SIN3B: variants seen among roughly 807,000 people sequenced by gnomAD.
SIN3B encodes the protein SIN3 transcription regulator family member B.
A neutral mutation model predicts 120.2 loss-of-function variants in SIN3B; 19 were observed. That is an observed-to-expected ratio of 0.16 (90% CI 0.11 to 0.23). The LOEUF is 0.23. Among genes scored for constraint, SIN3B ranks in the 10% least tolerant of loss-of-function variants. The pLI is 1.00. For synonymous variants in SIN3B, 654 were observed against 653.2 expected (o/e 1.00, Z -0.02); for missense variants, 1,073 against 1,573.0 (o/e 0.68, Z 5.38).
Position 16,847,055 on chromosome 19 carries a change from G to A in SIN3B, c.668G>A (p.Gly223Asp). The change falls in exon 5 of 19, where the codon GGC (glycine) becomes GAC (aspartate). Residue 223 changes from glycine to aspartate, a missense_variant. Physicochemically the swap from Gly to Asp is moderately conservative, Grantham distance 94. Transcript: ENST00000248054. ...VFTEVANLFRGQEDLLSEFGQ... is the reference protein window; with the variant it reads ...VFTEVANLFRDQEDLLSEFGQ... ...ACCGAGGTGGCCAACCTCTTCCGGG[G>A]CCAGGAGGACCTGCTCTCAGAGTTT... 6.2e-7 allele frequency: 1 copy of A among 1,614,206 alleles called. No homozygotes were observed. Among genetic ancestry groups the A allele is most frequent in the Non-Finnish European group, 8.5e-7 (1 of 1,180,012 alleles).
intron 6 of SIN3B, among the ~76,000 whole-genome samples, chr19:16,852,452 G>T (rs573277640): frequency 5.4e-4 from 82 of 152,272 alleles, no homozygotes; most frequent in African/African-American, 1.9e-3. Context: ...TCATCGTGTT[G>T]CCCAGGCTGG....
chr19:16,878,739 G>T lies in SIN3B; in HGVS notation c.*12G>T, dbSNP rs757803722. 1.7e-5 allele frequency: 27 copies of T among 1,581,918 alleles called. No homozygotes were observed. The highest frequency in any genetic ancestry group is 3.5e-5 in the Admixed American group (2 of 56,546). On this transcript the variant is annotated 3_prime_UTR_variant, in exon 19 of 19. Transcript: ENST00000248054. ...CGGCCTCGCCCTGACCCGCCCTCATGGGCACCGGGCAGGCGCCTCACAGAG... is the reference window on the plus strand; with the variant it reads ...CGGCCTCGCCCTGACCCGCCCTCATTGGCACCGGGCAGGCGCCTCACAGAG...
chr19:16,865,694 T>TCCATC, intron 11 of SIN3B, 46 bp downstream of exon 11: 1 of 1,153,498 alleles, frequency 8.7e-7, no homozygotes, highest in Non-Finnish European at 1.2e-6. Context: ...CCTTCCCCCT[T>TCCATC]CCCTCCCCTC....
At chr19:16,869,141 G>A (rs1216758257) in intron 12 of SIN3B, among the ~76,000 whole-genome samples, 2 of 152,144 alleles carry the variant, frequency 1.3e-5, no homozygotes, top group East Asian at 3.9e-4. Context: ...GACAGACCCA[G>A]GCTTGACGCT....
At chr19:16,844,704 C>G (rs1054331611) in intron 4 of SIN3B, among the ~76,000 whole-genome samples, 5 of 152,230 alleles carry the variant, frequency 3.3e-5, no homozygotes, top group African/African-American at 7.2e-5. Flanking sequence ...AAGATAGGCA[C>G]CGACTCTAAA....
At chr19:16,836,598 C>T (rs565401611) in intron 3 of SIN3B, among the ~76,000 whole-genome samples, 1 of 152,168 alleles carries the variant, frequency 6.6e-6, no homozygotes, top group Non-Finnish European at 1.5e-5. Flanking sequence ...ATGAGGTGGG[C>T]CCTGCACTGT....
intron 8 of SIN3B, chr19:16,855,814 G>A (rs975605106): frequency 1.3e-5 from 2 of 152,254 alleles, no homozygotes; most frequent in African/African-American, 4.8e-5. Flanking sequence ...CCAACACTTT[G>A]GGAGGCCGAG....
At chr19:16,834,922 CTTT>C (rs541788015) in intron 3 of SIN3B, among the ~76,000 whole-genome samples, 7 of 140,604 alleles carry the variant, frequency 5.0e-5, no homozygotes, top group Non-Finnish European at 9.3e-5. Flanking sequence ...TCTTTTCTTT[CTTT>C]TTTTTTTTTT....
chr19:16,832,470 T>G, intron 3 of SIN3B, among the ~76,000 whole-genome samples: 1 of 151,274 alleles, frequency 6.6e-6, no homozygotes, highest in Non-Finnish European at 1.5e-5. Context: ...AGTGCTAGGA[T>G]TACAGGCGTG....
chr19:16,848,015 T>C, intron 5 of SIN3B, among the ~76,000 whole-genome samples: 1 of 152,232 alleles, frequency 6.6e-6, no homozygotes, highest in East Asian at 1.9e-4. Context: ...TATGTGGCCT[T>C]TGTGTCTGGC....
Position 16,829,432 on chromosome 19 carries a change from T to TGGCGGTGGC in SIN3B, c.13_21dup (p.Gly5_Gly7dup). On this transcript the variant is annotated inframe_insertion, in exon 1 of 19. Transcript: ENST00000248054. ...CTCCGACTTCGGACATGGCGCACGC[T>TGGCGGTGGC]GGCGGTGGCAGCGGTGGCAGCGGTG... The TGGCGGTGGC allele has an allele frequency of 5.0e-6, 6 of 1,206,904 alleles. No homozygotes were observed. The highest frequency in any genetic ancestry group is 4.4e-5 in the Admixed American group (1 of 22,826). 74.8% of individuals were successfully genotyped at this position (1,206,904 alleles called of 1,614,324 possible).
At chr19:16,861,062 G>T (rs1283751530) in intron 8 of SIN3B, among the ~76,000 whole-genome samples, 1 of 152,106 alleles carries the variant, frequency 6.6e-6, no homozygotes, top group African/African-American at 2.4e-5. Flanking sequence ...ATTTTAAACA[G>T]AAATCCAGGT....
chr19:16,876,269 G>A lies in SIN3B; in HGVS notation c.2766+41G>A, dbSNP rs1003754003. The A allele has an allele frequency of 1.5e-5, 24 of 1,582,608 alleles. No homozygotes were observed. Among genetic ancestry groups the A allele is most frequent in the Admixed American group, 5.2e-5 (3 of 58,116 alleles). ...GGGCTGGGAACACGCCGGGAGGCCCGGCCGCTCACTCCGCTCTGGACTCAG... is the reference window on the plus strand; with the variant it reads ...GGGCTGGGAACACGCCGGGAGGCCCAGCCGCTCACTCCGCTCTGGACTCAG... On this transcript the variant is annotated intron_variant, in intron 15 of 18. Transcript: ENST00000248054. This position sits in a 1 kb window ranked among gnomAD's most constrained non-coding sequence, Gnocchi z 7.1.
intron 3 of SIN3B, among the ~76,000 whole-genome samples, chr19:16,839,716 A>G (rs1465322432): frequency 6.6e-6 from 1 of 152,062 alleles, no homozygotes; most frequent in Non-Finnish European, 1.5e-5. Context: ...TCCCCAGAGA[A>G]TCTTACAACA....
chr19:16,837,854 G>A (rs1024109136), intron 3 of SIN3B, among the ~76,000 whole-genome samples: 2 of 152,104 alleles, frequency 1.3e-5, no homozygotes, highest in African/African-American at 2.4e-5. Flanking sequence ...CCCTGCTGAG[G>A]TGCATAAGGC....
chr19:16,865,806 G>T (rs1334578591), intron 11 of SIN3B, among the ~76,000 whole-genome samples, 158 bp downstream of exon 11: 1 of 151,804 alleles, frequency 6.6e-6, no homozygotes, highest in Non-Finnish European at 1.5e-5. Context: ...GCCTAAGGGT[G>T]CCTTCCTGTA....
In SIN3B at chr19:16,836,038, G is replaced by C. The variant is rs144769834; in HGVS notation, c.381+4391G>C. Among the ~76,000 whole-genome samples the C allele has an allele frequency of 3.3e-5, 5 of 152,346 alleles. No individual in the cohort carries two copies. In the East Asian group the frequency reaches 9.6e-4, roughly 29 times the overall value. ...AAAGCCTGCCAGCTACTGACAAGTAGGGAGTGGCCCATAGGTGGTAAGGAA... is the reference window on the plus strand; with the variant it reads ...AAAGCCTGCCAGCTACTGACAAGTACGGAGTGGCCCATAGGTGGTAAGGAA... On this transcript the variant is annotated intron_variant, in intron 3 of 18. Transcript: ENST00000248054.
intron 8 of SIN3B, chr19:16,855,383 C>CCCG (rs1971601395): frequency 2.3e-5 from 3 of 128,580 alleles, no homozygotes; most frequent in South Asian, 2.9e-4. Context: ...CCCCCCCCCC[C>CCCG]CCAGCAAAAT....
At chr19:16,866,342 T>C (rs1971772566) in intron 11 of SIN3B, 31 bp from the exon 12 acceptor site, 4 of 1,587,114 alleles carry the variant, frequency 2.5e-6, no homozygotes, top group Non-Finnish European at 8.6e-7. Flanking sequence ...CCCTGGCTTG[T>C]CCCTGGTGCT....
Sources: allele counts gnomAD v4.1 joint callset (sites outside exome capture counted in the v4.1 genomes callset), GRCh38; gene constraint gnomAD v4.1.1; non-coding constraint Gnocchi (gnomAD v3.1); transcripts MANE v1.5; gene names NCBI Gene and HGNC (gene_info 2026-07-23, HGNC 2026-07-21).